The following KLHDC1 variants were observed in gnomAD, a reference collection of about 807,000 sequenced individuals.
The protein encoded by KLHDC1 is kelch domain containing 1, also known as kelch domain-containing protein 1.
A neutral mutation model predicts 68.3 loss-of-function variants in KLHDC1; 53 were observed. The observed-to-expected ratio is 0.78, with a 90% CI of 0.62 to 0.98. The LOEUF (loss-of-function observed/expected upper bound fraction) is 0.98, where lower values mean the gene tolerates loss of function less well. Ranked by LOEUF, KLHDC1 falls within the 50% of genes least tolerant of loss-of-function variation. KLHDC1 has a pLI of 0.00. For synonymous variants in KLHDC1, 148 were observed against 159.0 expected (o/e 0.93, Z 0.52); for missense variants, 470 against 492.3 (o/e 0.95, Z 0.43).
intron 4 of KLHDC1, among the ~76,000 whole-genome samples, chr14:49,715,213 CCCTGGTTCAAGCTATTCT>C (rs1566604053): frequency 6.6e-6 from 1 of 150,460 alleles, no homozygotes; most frequent in Non-Finnish European, 1.5e-5. Flanking sequence ...ACCTCTGACT[CCCTGGTTCAAGCTATTCT>C]CCTGCCTCAG....
intron 4 of KLHDC1, among the ~76,000 whole-genome samples, chr14:49,719,536 C>T (rs1392986829): frequency 1.3e-5 from 2 of 152,000 alleles, no homozygotes; most frequent in Admixed American, 6.6e-5. Flanking sequence ...TCAAGTGATA[C>T]TCCTGCCTCA....
chr14:49,722,361 C>T (rs961920587), intron 4 of KLHDC1, among the ~76,000 whole-genome samples: 2 of 152,084 alleles, frequency 1.3e-5, no homozygotes, highest in Admixed American at 1.3e-4. Flanking sequence ...TGAGAACATG[C>T]GGTGTTTGGT....
At chr14:49,708,762 A>T (rs1167403088) in intron 1 of KLHDC1, 1 of 153,724 alleles carries the variant, frequency 6.5e-6, no homozygotes, top group Non-Finnish European at 1.4e-5. Flanking sequence ...TTCCTCCATT[A>T]ATACTTCCTG....
At chr14:49,693,707 A>G (rs1292851563) in intron 1 of KLHDC1, among the ~76,000 whole-genome samples, 1 of 149,346 alleles carries the variant, frequency 6.7e-6, no homozygotes, top group East Asian at 2.0e-4. Flanking sequence ...TAAAATATCG[A>G]AATCACTGAA....
Position 49,752,749 on chromosome 14 carries a change from T to A in KLHDC1, c.*977T>A, listed in dbSNP as rs1889344745. Reference sequence around the variant, plus strand: ...GAAATGGAACACTGTATCTTTATATTCCTAAAAATGGTACTTTTGGCATAA... The same window carrying A: ...GAAATGGAACACTGTATCTTTATATACCTAAAAATGGTACTTTTGGCATAA... On this transcript the variant is annotated 3_prime_UTR_variant, in exon 13 of 13. Coordinates refer to ENST00000359332, the MANE Select transcript of KLHDC1 (RefSeq NM_172193.3). The A allele has an allele frequency of 6.6e-6, 1 of 152,040 alleles. No individual in the cohort carries two copies. Among genetic ancestry groups the A allele is most frequent in the African/African-American group, 2.4e-5 (1 of 41,436 alleles). 9.4% of individuals were successfully genotyped at this position (152,040 alleles called of 1,614,324 possible).
intron 4 of KLHDC1, among the ~76,000 whole-genome samples, chr14:49,713,619 C>T (rs1268368712): frequency 6.6e-6 from 1 of 151,028 alleles, no homozygotes; most frequent in Admixed American, 6.6e-5. Context: ...GCCCTAGTGG[C>T]TCTTGCCTAT....
intron 4 of KLHDC1, among the ~76,000 whole-genome samples, chr14:49,719,711 G>C (rs546428996): frequency 1.3e-5 from 2 of 151,906 alleles, no homozygotes; most frequent in African/African-American, 2.4e-5. Flanking sequence ...GATTACAGGC[G>C]TGAGCCAGCG....
chr14:49,720,337 C>CTTT (rs889084274), intron 4 of KLHDC1, among the ~76,000 whole-genome samples: 6 of 152,246 alleles, frequency 3.9e-5, no homozygotes, highest in Non-Finnish European at 5.9e-5. Flanking sequence ...CCAGGCAGAC[C>CTTT]TGAAACTCCT....
At chr14:49,695,886 A>G (rs934103990) in intron 1 of KLHDC1, among the ~76,000 whole-genome samples, 6 of 152,120 alleles carry the variant, frequency 3.9e-5, no homozygotes, top group African/African-American at 1.4e-4. Flanking sequence ...AACATGGTGA[A>G]ACCCCGTCTC....
chr14:49,729,287 AT>A (rs1566612665), intron 7 of KLHDC1, among the ~76,000 whole-genome samples: 1 of 151,894 alleles, frequency 6.6e-6, no homozygotes, highest in Non-Finnish European at 1.5e-5. Context: ...ATTTCTTCCT[AT>A]TTTTTCCTTT....
intron 1 of KLHDC1, chr14:49,708,640 A>C (rs528968997): frequency 5.9e-5 from 9 of 152,500 alleles, no homozygotes; most frequent in African/African-American, 1.7e-4. Context: ...TTCTAGATTT[A>C]ATGAACAACT....
chr14:49,710,378 A>T lies in KLHDC1; in HGVS notation c.401A>T (p.Asp134Val), dbSNP rs749742059. The T allele has an allele frequency of 1.6e-5, 24 of 1,525,408 alleles. No homozygotes were observed. The South Asian group carries it at 2.6e-4, about 16-fold the overall frequency. 94.5% of individuals were successfully genotyped at this position (1,525,408 alleles called of 1,614,324 possible). A position where few individuals can be genotyped will look rare whatever the true frequency, so the allele number is the denominator to read the frequency against. Residue 134 changes from aspartate to valine, a missense_variant, in exon 4 of 13, where the codon GAC becomes GTC. Asp to Val is a radical substitution (Grantham distance 152). Transcript: ENST00000359332. ...RDKLSCWVYK[D>V]RLIYFGGYGC... ...AAACTTTCCTGCTGGGTATATAAAG[A>T]CAGGTAATGCAGCAGTTGCACTTAA...
At chr14:49,719,106 T>C (rs1888461843) in intron 4 of KLHDC1, among the ~76,000 whole-genome samples, 1 of 151,988 alleles carries the variant, frequency 6.6e-6, no homozygotes, top group Non-Finnish European at 1.5e-5. Context: ...TGTTTTTCTA[T>C]TCACTATTTT....
intron 1 of KLHDC1, among the ~76,000 whole-genome samples, chr14:49,693,678 C>T (rs1350618905): frequency 2.0e-5 from 3 of 151,554 alleles, no homozygotes; most frequent in Non-Finnish European, 4.4e-5. Flanking sequence ...TTTCCTTATT[C>T]CCACGGCGCG....
chr14:49,705,353 A>ATTTC (rs1888019607), intron 1 of KLHDC1, among the ~76,000 whole-genome samples: 1 of 71,072 alleles, frequency 1.4e-5, no homozygotes, highest in African/African-American at 4.6e-5. Context: ...CTTTCATAAT[A>ATTTC]TTTCTTTCTT....
intron 12 of KLHDC1, among the ~76,000 whole-genome samples, chr14:49,748,153 GT>G (rs1322502668): frequency 6.6e-6 from 1 of 152,160 alleles, no homozygotes; most frequent in Admixed American, 6.6e-5. Context: ...GAATGAAAAG[GT>G]TTCTCCACAC....
Position 49,728,926 on chromosome 14 carries a change from G to A in KLHDC1, c.568G>A (p.Gly190Ser), listed in dbSNP as rs142315153. 59 of 1,606,738 alleles carry A rather than the reference G, an allele frequency of 3.7e-5. No homozygotes were observed. The African/African-American group carries it at 7.1e-4, about 19-fold the overall frequency. Residue 190 changes from glycine (G) to serine (S), a missense_variant and splice_region_variant, in exon 7 of 13, where the codon GGT (glycine) becomes AGT (serine). Transcript: ENST00000359332. ...AGTCTGTTCTGATTTCTACTTGCAG[G>A]GTGGAGTTCCACCACAGCCACGAGC... ...TQTWFQPEIK[G>S]GVPPQPRAAH...
At chr14:49,740,822 A>G (rs1412224430) in intron 11 of KLHDC1, among the ~76,000 whole-genome samples, 5 of 152,068 alleles carry the variant, frequency 3.3e-5, no homozygotes, top group Non-Finnish European at 5.9e-5. Flanking sequence ...GGCTGGGTGT[A>G]GTTGCCCACG....
intron 1 of KLHDC1, among the ~76,000 whole-genome samples, chr14:49,705,515 C>T (rs1888028228): frequency 6.6e-6 from 1 of 151,340 alleles, no homozygotes; most frequent in African/African-American, 2.4e-5. Flanking sequence ...ACTATAGGCG[C>T]CCGCCACCAC....
Sources: gnomAD v4.1 joint callset for allele counts (sites outside exome capture counted in the v4.1 genomes callset) on GRCh38, gnomAD v4.1.1 for gene constraint, MANE v1.5 for transcripts, NCBI Gene and HGNC (gene_info 2026-07-23, HGNC 2026-07-21) for gene names.